Variants in EDEM2 observed in about 807,000 individuals in gnomAD.
The protein encoded by EDEM2 is ER degradation enhancing alpha-mannosidase like protein 2.
In EDEM2, 39 loss-of-function variants were observed where a neutral mutation model predicts 64.8. The observed-to-expected ratio is 0.60, with a 90% CI of 0.47 to 0.79. The LOEUF (loss-of-function observed/expected upper bound fraction) is 0.79, where lower values mean the gene tolerates loss of function less well. Among genes scored for constraint, EDEM2 ranks in the 30% least tolerant of loss-of-function variants. EDEM2 has a pLI of 0.00. For synonymous variants in EDEM2, 296 were observed against 291.5 expected, an observed-to-expected ratio of 1.02 and a Z score of -0.16; for missense variants, 609 against 731.3, an observed-to-expected ratio of 0.83 and a Z score of 1.93.
At chr20:35,135,018 A>G (rs2085557472) in intron 5 of EDEM2, 69 bp from the exon 6 acceptor site, 15 of 1,488,254 alleles carry the variant, frequency 1.0e-5, no homozygotes, top group Non-Finnish European at 1.4e-5. Context: ...TACACGCCCA[A>G]AGCCTGGGAC....
intron 8 of EDEM2, among the ~76,000 whole-genome samples, chr20:35,124,288 A>C (rs2085403955): frequency 6.6e-6 from 1 of 152,204 alleles, no homozygotes; most frequent in Non-Finnish European, 1.5e-5. Context: ...CTAAATCTTC[A>C]GAGTCAATGT....
At chr20:35,134,396 G>A (rs1600712064) in intron 6 of EDEM2, among the ~76,000 whole-genome samples, 1 of 152,232 alleles carries the variant, frequency 6.6e-6, no homozygotes, top group Middle Eastern at 3.4e-3. Flanking sequence ...AGCAAATACA[G>A]ATAGACGCTA....
At chr20:35,123,842 C>A in intron 9 of EDEM2, 48 bp downstream of exon 9, 1 of 1,600,802 alleles carries the variant, frequency 6.2e-7, no homozygotes, top group Admixed American at 1.7e-5. Flanking sequence ...TTTGGGGTTT[C>A]AGCAACCAGA....
At chr20:35,126,466 G>A in intron 7 of EDEM2, 91 bp from the exon 8 acceptor site, 1 of 1,483,998 alleles carries the variant, frequency 6.7e-7, no homozygotes, top group Non-Finnish European at 9.2e-7. Context: ...TTACACTTTG[G>A]AAAGAGCACC....
chr20:35,143,515 T>C (rs1321622316), intron 3 of EDEM2, among the ~76,000 whole-genome samples: 1 of 152,182 alleles, frequency 6.6e-6, no homozygotes, highest in Non-Finnish European at 1.5e-5. Context: ...ATGCTAGAAA[T>C]TACCTCTAGA....
chr20:35,134,855 A>G lies in EDEM2; in HGVS notation c.585T>C (p.Ile195=), dbSNP rs148452142. The change falls in exon 6 of 11, where the codon ATT becomes ATC. Residue 195 remains isoleucine (I), a synonymous_variant. Transcript: ENST00000374492. ...TGGCAAATTCAACAATGAAGGTCCC[A>G]ATCCCTGCCGTACAGGTGACAGGGG... The part of the protein sequence containing the change: ...GETPVTCTAG[I]GTFIVEFATL... 1.8e-4 allele frequency: 291 copies of G among 1,614,188 alleles called. 1 individual carries two copies. The African/African-American group carries it at 3.1e-3, about 17-fold the overall frequency.
At position 35,144,965 on chromosome 20, in the gene EDEM2, G is replaced by A. The variant is rs1428007768; in HGVS notation, c.258+14C>T. ...GTAACAGTGGAAAGGAAAAGAAACA[G>A]ACGAGATACTTACCAGCAAGGTGTC... On this transcript the variant is annotated intron_variant, in intron 3 of 10. Transcript: ENST00000374492. 6.2e-7 allele frequency: 1 copy of A among 1,613,880 alleles called. No homozygotes were observed. The highest frequency in any genetic ancestry group is 1.1e-5 in the South Asian group (1 of 91,062).
At chr20:35,124,091 A>G in intron 8 of EDEM2, 57 bp from the exon 9 acceptor site, 2 of 1,570,728 alleles carry the variant, frequency 1.3e-6, no homozygotes, top group South Asian at 2.3e-5. Flanking sequence ...CCCCACAGAC[A>G]ACCTTAAGAA....
At position 35,145,611 on chromosome 20, in the gene EDEM2, T is replaced by C. The variant is rs140036525; in HGVS notation, c.219-593A>G. On this transcript the variant is annotated intron_variant, in intron 2 of 10. Coordinates refer to ENST00000374492, the MANE Select transcript of EDEM2 (RefSeq NM_018217.3). The stretch of plus-strand genomic sequence containing the variant: ...ATGCTGACAGAAAGCAGACAGCAAT[T>C]GTTAGGGTCAGTGGTGGTGCAGGGA... Among the ~76,000 whole-genome samples the C allele has an allele frequency of 7.2e-3, 1,096 of 152,260 alleles. 14 individuals carry two copies. Among genetic ancestry groups the C allele is most frequent in the African/African-American group, 0.025 (1,031 of 41,550 alleles).
In EDEM2 at chr20:35,146,820, A is replaced by T; in HGVS notation, c.218+5T>A. On this transcript the variant is annotated splice_donor_5th_base_variant and intron_variant, in intron 2 of 10. Coordinates refer to ENST00000374492, the MANE Select transcript of EDEM2 (RefSeq NM_018217.3). ...GGCCGCCCCTTGCCCCTCCGCTCGC[A>T]CTACCTGCCCCAGGTGTCGTGCCCG... 1 of 1,613,578 alleles carries T rather than the reference A, an allele frequency of 6.2e-7. No homozygotes were observed.
chr20:35,137,374 G>A (rs901011119), intron 5 of EDEM2, among the ~76,000 whole-genome samples: 1 of 151,930 alleles, frequency 6.6e-6, no homozygotes, highest in Non-Finnish European at 1.5e-5. Context: ...ACTTGAGATT[G>A]TGCCACTGCA....
At position 35,147,192 on chromosome 20, in the gene EDEM2, G is replaced by A; in HGVS notation, c.67C>T (p.Pro23Ser). The change falls in exon 1 of 11, where the codon CCA (proline) becomes TCA (serine). Residue 23 changes from proline to serine, a missense_variant. Coordinates refer to ENST00000374492, the MANE Select transcript of EDEM2 (RefSeq NM_018217.3). ...TCTGGCGCGGAGCCGTCGGGACCTG[G>A]CGCACCATGGTGCTGAGGCAGCAGC... ...CALLPQHHGA[P>S]GPDGSAPDPA... 1.2e-6 allele frequency: 2 copies of A among 1,603,902 alleles called. No homozygotes were observed. The highest frequency in any genetic ancestry group is 1.7e-4 in the Middle Eastern group (1 of 6,000).
At chr20:35,132,852 T>C (rs947040152) in intron 6 of EDEM2, among the ~76,000 whole-genome samples, 2 of 152,146 alleles carry the variant, frequency 1.3e-5, no homozygotes, top group Admixed American at 1.3e-4. Flanking sequence ...ATATGTATTT[T>C]TCATATGGCT....
intron 6 of EDEM2, among the ~76,000 whole-genome samples, chr20:35,132,130 C>T (rs35862286): frequency 0.025 from 3,873 of 152,228 alleles, 70 homozygotes; most frequent in Non-Finnish European, 0.041. Flanking sequence ...TTTCTCAGCA[C>T]CCAGCATGTG....
intron 7 of EDEM2, 109 bp from the exon 8 acceptor site, chr20:35,126,484 A>G: frequency 1.5e-6 from 2 of 1,354,612 alleles, no homozygotes; most frequent in Non-Finnish European, 2.0e-6. Context: ...ACCAGGATGC[A>G]ATGAGGCAAG....
In EDEM2 at chr20:35,118,802, C is replaced by T. The variant is rs1210147077; in HGVS notation, c.1115-83G>A. ...CCTCTTAGGGCCGTGAGGGACTACT[C>T]CCCTCCATATCTTGTCCATAAGGCC... On this transcript the variant is annotated intron_variant, in intron 9 of 10. Transcript: ENST00000374492. The T allele has an allele frequency of 2.6e-6, 4 of 1,567,698 alleles. No individual in the cohort carries two copies. In the Admixed American group the frequency reaches 6.9e-5, roughly 27 times the overall value.
At chr20:35,118,743 C>T in intron 9 of EDEM2, 24 bp from the exon 10 acceptor site, 1 of 1,610,938 alleles carries the variant, frequency 6.2e-7, no homozygotes. Context: ...AGCAGACCCT[C>T]CTCACTCAGT....
intron 7 of EDEM2, 95 bp from the exon 8 acceptor site, chr20:35,126,470 G>C: frequency 6.9e-7 from 1 of 1,457,884 alleles, no homozygotes; most frequent in Non-Finnish European, 9.4e-7. Context: ...ACTTTGGAAA[G>C]AGCACCAGGA....
At chr20:35,135,005 T>G (rs2085557168) in intron 5 of EDEM2, 56 bp from the exon 6 acceptor site, 3 of 1,557,930 alleles carry the variant, frequency 1.9e-6, no homozygotes, top group Non-Finnish European at 1.8e-6. Context: ...GGGATAGTTC[T>G]GATACACGCC....
Sources: allele counts gnomAD v4.1 joint callset (sites outside exome capture counted in the v4.1 genomes callset), GRCh38; gene constraint gnomAD v4.1.1; transcripts MANE v1.5; gene names NCBI Gene and HGNC (gene_info 2026-07-23, HGNC 2026-07-21).